Variants in PPIG observed in about 807,000 individuals in gnomAD.
The protein encoded by PPIG is peptidylprolyl isomerase G, also known as peptidyl-prolyl cis-trans isomerase G.
Under a neutral mutation model 87.9 loss-of-function variants are expected in PPIG, and 26 were observed. The ratio of observed to expected loss-of-function variants is 0.30; its 90% confidence interval spans 0.22 to 0.41. The LOEUF is 0.41. Among genes scored for constraint, PPIG ranks in the 10% least tolerant of loss-of-function variants. The pLI is 1.00. For missense variants in PPIG, 722 were observed against 879.4 expected (o/e 0.82, Z 2.26); for synonymous variants, 308 against 276.5 (o/e 1.11, Z -1.13).
intron 1 of PPIG, chr2:169,584,906 G>GGC: frequency 4.7e-6 from 1 of 211,072 alleles, no homozygotes; most frequent in Non-Finnish European, 9.6e-6. Context: ...CGGGGTAGGT[G>GGC]GCGGGACTGG....
intron 1 of PPIG, among the ~76,000 whole-genome samples, chr2:169,587,059 T>TA (rs2105467145): frequency 6.6e-6 from 1 of 152,004 alleles, no homozygotes; most frequent in African/African-American, 2.4e-5. Flanking sequence ...TCAGCCTCCC[T>TA]AGTAGCTGGG....
At chr2:169,596,173 T>C (rs986224525) in intron 1 of PPIG, among the ~76,000 whole-genome samples, 2 of 152,092 alleles carry the variant, frequency 1.3e-5, no homozygotes, top group Non-Finnish European at 2.9e-5. Flanking sequence ...CGATCTTGGC[T>C]CACTGCAACC....
At position 169,606,094 on chromosome 2, in the gene PPIG, C is replaced by G; in HGVS notation, c.192C>G (p.Leu64=). 6.2e-7 allele frequency: 1 copy of G among 1,613,574 alleles called. No homozygotes were observed. Among genetic ancestry groups the G allele is most frequent in the South Asian group, 1.1e-5 (1 of 91,068 alleles). The change falls in exon 5 of 14, where the codon CTC becomes CTG. Residue 64 remains leucine, a synonymous_variant. Coordinates refer to ENST00000260970, the MANE Select transcript of PPIG (RefSeq NM_004792.3). The part of the protein sequence containing the change: ...TQKPLHYKSC[L]FHRVVKDFMV... ...AACCATTACATTATAAGAGTTGTCT[C>G]TTTCACAGAGTTGTCAAGGATTTTA...
chr2:169,615,826 C>T (rs1685596117), intron 9 of PPIG, among the ~76,000 whole-genome samples: 1 of 152,100 alleles, frequency 6.6e-6, no homozygotes, highest in Non-Finnish European at 1.5e-5. Context: ...AGTGGGATTT[C>T]TGGATCATAT....
chr2:169,616,075 A>G (rs1356392807), intron 9 of PPIG, among the ~76,000 whole-genome samples: 1 of 151,928 alleles, frequency 6.6e-6, no homozygotes, highest in African/African-American at 2.4e-5. Context: ...TTCAACTTCC[A>G]CTTTTGAGTG....
rs1249204556 is a variant in PPIG at position 169,631,775 on chromosome 2, T to C, written c.771T>C (p.Ser257=). 1.2e-6 allele frequency: 2 copies of C among 1,613,870 alleles called. No individual in the cohort carries two copies. The highest frequency in any genetic ancestry group is 3.3e-5 in the Admixed American group (2 of 60,006). ...KRKKSKKSAS[S]ESEAENLEAQ... ...GTTTCTGTCTGTTAAGTGCATCTAG[T>C]GAGAGTGAAGCTGAAAATCTTGAAG... The change falls in exon 11 of 14, where the codon AGT becomes AGC. Residue 257 remains serine (S), a synonymous_variant. Transcript: ENST00000260970.
chr2:169,611,100 C>T (rs1221923036), intron 7 of PPIG, among the ~76,000 whole-genome samples: 3 of 152,032 alleles, frequency 2.0e-5, no homozygotes, highest in Admixed American at 6.6e-5. Flanking sequence ...CCCAGCCACT[C>T]GGGAGGCTGA....
chr2:169,626,232 A>G (rs959175500), intron 9 of PPIG, among the ~76,000 whole-genome samples: 13 of 152,160 alleles, frequency 8.5e-5, no homozygotes, highest in African/African-American at 3.1e-4. Context: ...GTCTTACAGA[A>G]TCAATATTGA....
chr2:169,586,940 A>G (rs1040777804), intron 1 of PPIG, among the ~76,000 whole-genome samples: 8 of 151,752 alleles, frequency 5.3e-5, no homozygotes, highest in Middle Eastern at 3.4e-3. Flanking sequence ...GCTTTTATTT[A>G]TTTATTTTTT....
intron 1 of PPIG, among the ~76,000 whole-genome samples, chr2:169,596,627 G>A (rs1252334105): frequency 6.6e-6 from 1 of 152,172 alleles, no homozygotes; most frequent in Non-Finnish European, 1.5e-5. Flanking sequence ...GAAGGCTCCA[G>A]GAGTCACCTA....
intron 9 of PPIG, among the ~76,000 whole-genome samples, chr2:169,619,928 T>C (rs141473636): frequency 4.4e-4 from 67 of 152,228 alleles, no homozygotes; most frequent in African/African-American, 1.6e-3. Context: ...TTAAATCAGG[T>C]TGTTTTCTTG....
chr2:169,614,793 T>G (rs1275966497), intron 9 of PPIG, 69 bp downstream of exon 9: 1 of 1,429,760 alleles, frequency 7.0e-7, no homozygotes, highest in African/African-American at 1.4e-5. Context: ...TCTAAATAGT[T>G]GACATGAAAT....
chr2:169,626,045 GGGACCAT>G (rs1430864177), intron 9 of PPIG, among the ~76,000 whole-genome samples: 1 of 152,130 alleles, frequency 6.6e-6, no homozygotes, highest in East Asian at 1.9e-4. Flanking sequence ...ATCAGTACCA[GGGACCAT>G]GGCTCTTCAT....
rs1019960289 is a variant in PPIG at position 169,626,025 on chromosome 2, C to T, written c.548-4749C>T. On this transcript the variant is annotated intron_variant, in intron 9 of 13. Coordinates refer to ENST00000260970, the MANE Select transcript of PPIG (RefSeq NM_004792.3). The stretch of plus-strand genomic sequence containing the variant: ...TTCTGCTGTGTGACCTGGTTCCTAA[C>T]AGGCCACGGATCAGTACCAGGGACC... 2.6e-5 allele frequency among the ~76,000 whole-genome samples: 4 copies of T among 152,212 alleles called. No individual in the cohort carries two copies. The South Asian group carries it at 6.2e-4, about 24-fold the overall frequency.
chr2:169,613,148 T>C (rs1386335074), intron 7 of PPIG, among the ~76,000 whole-genome samples: 1 of 152,198 alleles, frequency 6.6e-6, no homozygotes. Flanking sequence ...TATATCTAAA[T>C]GCAAATCATA....
rs1558894488 is a variant in PPIG, at chr2:169,614,501, T to C, written c.407+8T>C. The C allele has an allele frequency of 6.4e-7, 1 of 1,554,320 alleles. No individual in the cohort carries two copies. Among genetic ancestry groups the C allele is most frequent in the East Asian group, 2.3e-5 (1 of 44,190 alleles). ...AACTCCTCATTTAGATGGGTAAATA[T>C]TATTTTATTTATTTTACAACCTGTT... On this transcript the variant is annotated splice_region_variant and intron_variant, in intron 8 of 13. Coordinates refer to ENST00000260970, the MANE Select transcript of PPIG (RefSeq NM_004792.3).
At chr2:169,632,040 T>G in intron 11 of PPIG, 107 bp downstream of exon 11, 4 of 1,285,814 alleles carry the variant, frequency 3.1e-6, no homozygotes, top group Non-Finnish European at 4.1e-6. Flanking sequence ...GTCCCAAGAT[T>G]GAAATCTTTT....
At chr2:169,585,004 A>C (rs968907093) in intron 1 of PPIG, 8 of 160,982 alleles carry the variant, frequency 5.0e-5, no homozygotes, top group African/African-American at 1.4e-4. Context: ...ATTAAAATTG[A>C]AGACTAGCTT....
Position 169,636,688 on chromosome 2 carries a change from A to G in PPIG, c.1430A>G (p.His477Arg), listed in dbSNP as rs774515134. ...AAGAGTAAAGAAAGAGATTCAAAAC[A>G]TAATAGAAATGAAGAAAAGAGGATG... The part of the protein sequence containing the change: ...KSKSKERDSK[H>R]NRNEEKRMRS... Residue 477 changes from histidine to arginine, a missense_variant, in exon 14 of 14, where the codon CAT (histidine) becomes CGT (arginine). His to Arg is a conservative substitution (Grantham distance 29). Transcript: ENST00000260970. The G allele has an allele frequency of 7.5e-6, 12 of 1,609,418 alleles. No individual in the cohort carries two copies. Among genetic ancestry groups the G allele is most frequent in the Non-Finnish European group, 1.0e-5 (12 of 1,178,928 alleles).
Sources: allele counts gnomAD v4.1 joint callset (sites outside exome capture counted in the v4.1 genomes callset), GRCh38; gene constraint gnomAD v4.1.1; transcripts MANE v1.5; gene names NCBI Gene and HGNC (gene_info 2026-07-23, HGNC 2026-07-21).